Variants in SVOPL observed in about 807,000 individuals in gnomAD.
SVOPL encodes putative transporter SVOPL.
In SVOPL, 60 loss-of-function variants were observed where a neutral mutation model predicts 61.0. The observed-to-expected ratio is 0.98, with a 90% confidence interval of 0.80 to 1.22. The LOEUF is 1.22. Among genes scored for constraint, SVOPL ranks in the 50% most tolerant of loss-of-function variants. SVOPL has a pLI of 0.00. For missense variants in SVOPL, 662 were observed against 643.9 expected, an observed-to-expected ratio of 1.03 and a Z score of -0.30; for synonymous variants, 279 against 250.0, an observed-to-expected ratio of 1.12 and a Z score of -1.09.
rs769538482 is a variant in SVOPL at position 138,621,003 on chromosome 7, C to T, written c.1353+43G>A. The T allele has an allele frequency of 2.5e-6, 4 of 1,582,222 alleles. No individual in the cohort carries two copies. The East Asian group carries it at 6.8e-5, about 27-fold the overall frequency. ...AAGGTCCCTGGGTTCCTCTTACCCCCTCTCTCAGACTCTCTCTCTCCCTGC... is the reference window on the plus strand; with the variant it reads ...AAGGTCCCTGGGTTCCTCTTACCCCTTCTCTCAGACTCTCTCTCTCCCTGC... On this transcript the variant is annotated intron_variant, in intron 14 of 15. Transcript: ENST00000674285.
intron 1 of SVOPL, among the ~76,000 whole-genome samples, chr7:138,684,074 G>A (rs1802754260): frequency 6.6e-6 from 1 of 151,126 alleles, no homozygotes; most frequent in Admixed American, 6.6e-5. Flanking sequence ...AGGTGGCAAA[G>A]AAGATCCTGG....
At chr7:138,654,885 T>A (rs200311874) in intron 7 of SVOPL, among the ~76,000 whole-genome samples, 1,435 of 88,264 alleles carry the variant, frequency 0.016, 17 homozygotes, top group South Asian at 0.04. Flanking sequence ...TTTTTTTTTT[T>A]AAAAAAAAAA....
chr7:138,696,901 C>T (rs552443265), intron 1 of SVOPL, among the ~76,000 whole-genome samples: 4 of 152,282 alleles, frequency 2.6e-5, no homozygotes, highest in Admixed American at 2.6e-4. Context: ...CATGCCCCCA[C>T]CTGCTCTCCA....
chr7:138,594,693 G>T, intron 15 of SVOPL, 72 bp from the exon 16 acceptor site: 1 of 1,096,018 alleles, frequency 9.1e-7, no homozygotes, highest in South Asian at 2.0e-5. Flanking sequence ...TGAGCTATCT[G>T]ATATTTTAGT....
At chr7:138,662,527 A>T in intron 5 of SVOPL, 1 of 985,780 alleles carries the variant, frequency 1.0e-6, no homozygotes, top group African/African-American at 1.7e-5. Context: ...GCAGCAGTGG[A>T]CTAGTCATTT....
chr7:138,648,042 C>T (rs1323631031), intron 8 of SVOPL, among the ~76,000 whole-genome samples: 1 of 152,040 alleles, frequency 6.6e-6, no homozygotes, highest in Non-Finnish European at 1.5e-5. Context: ...GCTGAGTGGT[C>T]AATCTTGTCT....
chr7:138,654,144 AAAAG>A (rs1801583505), intron 7 of SVOPL, among the ~76,000 whole-genome samples: 1 of 151,902 alleles, frequency 6.6e-6, no homozygotes, highest in South Asian at 2.1e-4. Context: ...AAAAAAAAAA[AAAAG>A]AATCATGGTA....
intron 4 of SVOPL, among the ~76,000 whole-genome samples, chr7:138,668,237 C>A (rs1802324660): frequency 6.6e-6 from 1 of 152,124 alleles, no homozygotes; most frequent in South Asian, 2.1e-4. Context: ...TGACCTTCCC[C>A]CACCCACCAA....
rs561592399 is a variant in SVOPL at position 138,661,761 on chromosome 7, T to G, written c.345+1313A>C. 70 of 882,830 alleles carry G rather than the reference T, an allele frequency of 7.9e-5. 1 individual carries two copies. The highest frequency in any genetic ancestry group is 5.8e-4 in the Middle Eastern group (1 of 1,718). The allele number at this position is 882,830 out of a possible 1,614,324, so 54.7% of individuals were successfully genotyped here. On this transcript the variant is annotated intron_variant, in intron 5 of 15. Coordinates refer to ENST00000674285, the MANE Select transcript of SVOPL (RefSeq NM_001139456.2). Reference sequence around the variant, plus strand: ...TCTCTCCTCCTTTAAAAAACCCACTTGTAACTGCTGCTAATCGGAGCATAT... The same window carrying G: ...TCTCTCCTCCTTTAAAAAACCCACTGGTAACTGCTGCTAATCGGAGCATAT...
intron 9 of SVOPL, among the ~76,000 whole-genome samples, chr7:138,643,001 G>A (rs374079206): frequency 3.9e-5 from 6 of 152,086 alleles, no homozygotes; most frequent in African/African-American, 7.2e-5. Context: ...GATCCCTTGT[G>A]CACTGTTGGT....
chr7:138,655,216 A>G (rs1009592186), intron 7 of SVOPL, among the ~76,000 whole-genome samples: 18 of 151,926 alleles, frequency 1.2e-4, no homozygotes, highest in African/African-American at 4.4e-4. Context: ...AAGAAAAATC[A>G]GAGCCAGCTG....
Position 138,621,038 on chromosome 7 carries a change from G to A in SVOPL, c.1353+8C>T, listed in dbSNP as rs775100560. The A allele has an allele frequency of 1.3e-5, 21 of 1,612,806 alleles. No individual in the cohort carries two copies. The highest frequency in any genetic ancestry group is 2.2e-5 in the East Asian group (1 of 44,814). On this transcript the variant is annotated splice_region_variant and intron_variant, in intron 14 of 15. Coordinates refer to ENST00000674285, the MANE Select transcript of SVOPL (RefSeq NM_001139456.2). ...CTCTCTCTCTCCCTGCAGGGTCCTT[G>A]GCTGTACCTGGGATATAAATGGTGC...
In SVOPL at chr7:138,692,038, G is replaced by A. The variant is rs183552075; in HGVS notation, c.-35+9140C>T. ...TCACCATACTGGCTAGGCTGGTCTC[G>A]AACTCCTAACCTCAAGTGAATCAGC... On this transcript the variant is annotated intron_variant, in intron 1 of 15. Transcript: ENST00000674285. Among the ~76,000 whole-genome samples the A allele has an allele frequency of 9.3e-4, 141 of 151,332 alleles. 1 individual carries two copies. The highest frequency in any genetic ancestry group is 3.3e-3 in the African/African-American group (136 of 41,310).
At chr7:138,662,366 T>C in intron 5 of SVOPL, 1 of 985,034 alleles carries the variant, frequency 1.0e-6, no homozygotes, top group South Asian at 4.7e-5. Flanking sequence ...TTCAAACAGA[T>C]AGGTGCCTGA....
intron 1 of SVOPL, among the ~76,000 whole-genome samples, chr7:138,694,601 C>T (rs1803026119): frequency 6.6e-6 from 1 of 151,994 alleles, no homozygotes; most frequent in Admixed American, 6.6e-5. Context: ...AAATGCTCAC[C>T]AGTAGAGAAG....
At chr7:138,665,768 T>C (rs1802237956) in intron 4 of SVOPL, among the ~76,000 whole-genome samples, 1 of 152,168 alleles carries the variant, frequency 6.6e-6, no homozygotes, top group Non-Finnish European at 1.5e-5. Flanking sequence ...CATAAAGTTA[T>C]AGGGTCACCC....
At chr7:138,662,722 A>G (rs1214881380) in intron 5 of SVOPL, 1 of 1,068,108 alleles carries the variant, frequency 9.4e-7, no homozygotes, top group East Asian at 7.2e-5. Context: ...TGGTGGGGGC[A>G]TCTAACCAAC....
chr7:138,684,360 A>G (rs1011822193), intron 1 of SVOPL, among the ~76,000 whole-genome samples: 122 of 132,030 alleles, frequency 9.2e-4, no homozygotes, highest in African/African-American at 3.8e-3. Context: ...GCAAGACTCC[A>G]TCTCAAAAAA....
intron 9 of SVOPL, among the ~76,000 whole-genome samples, chr7:138,631,428 T>C (rs999932209): frequency 2.6e-5 from 4 of 152,152 alleles, no homozygotes; most frequent in African/African-American, 9.7e-5. Context: ...TAAGTCTTAT[T>C]CTATTTTTTC....
Sources: allele counts gnomAD v4.1 joint callset (sites outside exome capture counted in the v4.1 genomes callset), GRCh38; gene constraint gnomAD v4.1.1; transcripts MANE v1.5; gene names NCBI Gene and HGNC (gene_info 2026-07-23, HGNC 2026-07-21).